TET3: variants seen among roughly 807,000 people sequenced by gnomAD.
TET3 encodes tet methylcytosine dioxygenase 3.
A neutral mutation model predicts 141.4 loss-of-function variants in TET3; 19 were observed. The observed-to-expected ratio is 0.13, with a 90% CI of 0.09 to 0.20. The LOEUF is 0.20. TET3 is among the 10% of genes least tolerant of loss of function. The pLI, the probability that TET3 is intolerant of heterozygous loss-of-function variation, is 1.00. For synonymous variants in TET3, 1,043 were observed against 980.9 expected (o/e 1.06, Z -1.18); for missense variants, 1,874 against 2,356.9 (o/e 0.80, Z 4.24).
rs542192714 is a variant in TET3 at position 74,107,727 on chromosome 2, G to C, written c.*5551G>C. The C allele has an allele frequency of 6.6e-6, 1 of 152,198 alleles. No homozygotes were observed. The highest frequency in any genetic ancestry group is 2.1e-4 in the South Asian group (1 of 4,812). The allele number at this position is 152,198 out of a possible 1,614,324, so 9.4% of individuals were successfully genotyped here. A position where few individuals can be genotyped will look rare whatever the true frequency, so the allele number is the denominator to read the frequency against. On this transcript the variant is annotated 3_prime_UTR_variant, in exon 12 of 12. Transcript: ENST00000409262. ...CTGTTTGGTTACTTGGCTTCCAATG[G>C]AGGTGAACTTAACAACCATACTTGA...
At chr2:74,108,509 T>C (rs1462401119), downstream of TET3, among the ~76,000 whole-genome samples, 2 of 152,256 alleles carry the variant, frequency 1.3e-5, no homozygotes, top group Admixed American at 6.5e-5. Context: ...AATTAACTTC[T>C]GATGTTTGTT....
chr2:74,089,753 G>A, intron 7 of TET3, 144 bp from the exon 8 acceptor site: 1 of 1,110,698 alleles, frequency 9.0e-7, no homozygotes, highest in Non-Finnish European at 1.3e-6. Flanking sequence ...TGAGAAAGGG[G>A]TTGGGGGTGG....
intron 2 of TET3, among the ~76,000 whole-genome samples, chr2:73,995,350 C>A (rs568821501): frequency 2.0e-5 from 3 of 152,316 alleles, no homozygotes; most frequent in African/African-American, 7.2e-5. Flanking sequence ...AATCTTAGAC[C>A]TAGACCTAAT....
the TET3 span, among the ~76,000 whole-genome samples, chr2:74,131,927 C>T: frequency 6.6e-6 from 1 of 151,752 alleles, no homozygotes; most frequent in Admixed American, 6.6e-5. Context: ...GTGGGGGGGC[C>T]CTATTTGTTT....
intron 2 of TET3, among the ~76,000 whole-genome samples, chr2:73,995,664 T>G (rs529350724): frequency 1.4e-4 from 22 of 152,316 alleles, no homozygotes; most frequent in Admixed American, 1.2e-3. Context: ...TTGTGGCTCA[T>G]GTATTGGACG....
At chr2:74,017,993 G>A (rs1338563287) in intron 3 of TET3, among the ~76,000 whole-genome samples, 5 of 116,252 alleles carry the variant, frequency 4.3e-5, no homozygotes, top group Non-Finnish European at 8.5e-5. Flanking sequence ...TTGAGACGGA[G>A]TTTTGCTCTT....
chr2:74,027,233 G>A (rs1686415150), intron 3 of TET3, among the ~76,000 whole-genome samples: 1 of 152,068 alleles, frequency 6.6e-6, no homozygotes, highest in East Asian at 1.9e-4. Flanking sequence ...TTCTGCTTTT[G>A]CCTCAAAGCT....
the TET3 span, among the ~76,000 whole-genome samples, chr2:74,133,948 T>C: frequency 6.6e-6 from 1 of 152,134 alleles, no homozygotes; most frequent in African/African-American, 2.4e-5. Flanking sequence ...TTTCACCATG[T>C]TGGTCAGGCT....
At chr2:74,032,417 C>G (rs1309136196) in intron 3 of TET3, among the ~76,000 whole-genome samples, 1 of 128,782 alleles carries the variant, frequency 7.8e-6, no homozygotes, top group African/African-American at 3.2e-5. Flanking sequence ...GGGGCTTGGG[C>G]GATGGCCCCA....
At chr2:74,038,522 C>T (rs1167539763) in intron 3 of TET3, among the ~76,000 whole-genome samples, 12 of 152,310 alleles carry the variant, frequency 7.9e-5, no homozygotes, top group Admixed American at 5.9e-4. Flanking sequence ...ATGTGCAGCA[C>T]TAGCACCTTG....
intron 3 of TET3, among the ~76,000 whole-genome samples, chr2:74,023,484 C>T (rs1686171290): frequency 6.6e-6 from 1 of 152,166 alleles, no homozygotes; most frequent in African/African-American, 2.4e-5. Context: ...CTCAAGTGAT[C>T]GTCCTCCCTC....
At chr2:73,996,704 C>T (rs1441490382) in intron 2 of TET3, among the ~76,000 whole-genome samples, 2 of 152,110 alleles carry the variant, frequency 1.3e-5, no homozygotes, top group African/African-American at 2.4e-5. Flanking sequence ...GACAGGGTTT[C>T]GCCATGTTGG....
rs1268662285 is a variant in TET3, at chr2:74,101,687, G to A, written c.4899G>A (p.Glu1633=). Residue 1633 remains glutamate, a synonymous_variant, in exon 12 of 12, where the codon GAG becomes GAA. Coordinates refer to ENST00000409262, the MANE Select transcript of TET3 (RefSeq NM_001287491.2). The surrounding 1 kb of genome is among the most constrained non-coding windows in gnomAD (Gnocchi z 8.5). ...KEEKGGGGAE[E]EEEELWSDSE... ...AGAAGGGCGGTGGTGGTGCGGAGGA[G>A]GAAGAGGAGGAGCTGTGGTCGGACA... 6.2e-6 allele frequency: 10 copies of A among 1,613,682 alleles called. No homozygotes were observed. Among genetic ancestry groups the A allele is most frequent in the South Asian group, 2.2e-5 (2 of 91,082 alleles).
intron 5 of TET3, among the ~76,000 whole-genome samples, chr2:74,076,930 C>G (rs1689546229): frequency 6.6e-6 from 1 of 152,190 alleles, no homozygotes. Context: ...AAAGCAAATC[C>G]TAAAATGTCC....
Position 74,087,700 on chromosome 2 carries a change from AGGG to A in TET3, c.2680-129_2680-127del. 2.6e-6 allele frequency: 2 copies of A among 771,534 alleles called. No homozygotes were observed. The highest frequency in any genetic ancestry group is 4.0e-6 in the Non-Finnish European group (2 of 505,606). 47.8% of individuals were successfully genotyped at this position (771,534 alleles called of 1,614,324 possible). ...CTTAGCTTGTAAGGTTGCTGTCTTC[AGGG>A]CATGACATCCCTAGAACCCTGCCGT... On this transcript the variant is annotated intron_variant, in intron 6 of 11. Transcript: ENST00000409262. The surrounding 1 kb of genome is among the most constrained non-coding windows in gnomAD (Gnocchi z 4.3).
chr2:74,097,319 T>A (rs1690910786), intron 10 of TET3, among the ~76,000 whole-genome samples: 1 of 151,894 alleles, frequency 6.6e-6, no homozygotes, highest in South Asian at 2.1e-4. Flanking sequence ...TGTAACGTGA[T>A]AAAGAAATTA....
chr2:74,083,047 G>A (rs1689920447), intron 6 of TET3, among the ~76,000 whole-genome samples: 1 of 152,208 alleles, frequency 6.6e-6, no homozygotes, highest in African/African-American at 2.4e-5. Flanking sequence ...GCTTAAAGCA[G>A]TGTGCCTCAC....
At chr2:74,051,898 A>AT (rs1183357102) in intron 4 of TET3, among the ~76,000 whole-genome samples, 2 of 152,264 alleles carry the variant, frequency 1.3e-5, no homozygotes, top group African/African-American at 4.8e-5. Flanking sequence ...CAATGGTAGT[A>AT]GAATGAAGAG....
chr2:74,032,465 G>C (rs933341571), intron 3 of TET3, among the ~76,000 whole-genome samples: 5 of 136,296 alleles, frequency 3.7e-5, no homozygotes, highest in African/African-American at 9.2e-5. Flanking sequence ...GTGTGTGTGT[G>C]TGTGTGTGTG....
Sources: allele counts gnomAD v4.1 joint callset (sites outside exome capture counted in the v4.1 genomes callset), GRCh38; gene constraint gnomAD v4.1.1; non-coding constraint Gnocchi (gnomAD v3.1); transcripts MANE v1.5; gene names NCBI Gene and HGNC (gene_info 2026-07-23, HGNC 2026-07-21).